Variants in EYS observed in about 807,000 individuals in gnomAD.
EYS encodes protein eyes shut homolog.
Under a neutral mutation model 282.1 loss-of-function variants are expected in EYS, and 250 were observed. That is an observed-to-expected ratio of 0.89 (90% CI 0.80 to 0.98). The LOEUF (loss-of-function observed/expected upper bound fraction) is 0.98. EYS is among the 50% of genes least tolerant of loss of function. EYS has a pLI of 0.00. For missense variants in EYS, 4,016 were observed against 3,709.0 expected (o/e 1.08, Z -2.15); for synonymous variants, 1,355 against 1,282.9 (o/e 1.06, Z -1.20).
chr6:63,742,354 G>C (rs527983185), intron 41 of EYS, among the ~76,000 whole-genome samples: 1 of 152,088 alleles, frequency 6.6e-6, no homozygotes, highest in Non-Finnish European at 1.5e-5. Context: ...AGCTACTTTG[G>C]ATGTGGGTCA....
chr6:64,090,277 T>C (rs891131587), intron 31 of EYS, among the ~76,000 whole-genome samples: 1 of 152,182 alleles, frequency 6.6e-6, no homozygotes, highest in African/African-American at 2.4e-5. Flanking sequence ...CTTTAGCTAC[T>C]TTCTAATTTC....
rs550502156 is a variant in EYS, at chr6:64,163,724, T to A, written c.6424+66868A>T. On this transcript the variant is annotated intron_variant, in intron 31 of 42. Coordinates refer to ENST00000503581, the MANE Select transcript of EYS (RefSeq NM_001142800.2). Reference sequence around the variant, plus strand: ...TTTCTGTAAGGCAAAAGGATTTTTTTAAAAAAATTTAATCTGGCACTTTAG... The same window carrying A: ...TTTCTGTAAGGCAAAAGGATTTTTTAAAAAAAATTTAATCTGGCACTTTAG... Among the ~76,000 whole-genome samples, 167 of 152,216 alleles carry A rather than the reference T, an allele frequency of 1.1e-3. 1 individual carries two copies. Among genetic ancestry groups the A allele is most frequent in the African/African-American group, 3.0e-3 (125 of 41,568 alleles).
intron 12 of EYS, among the ~76,000 whole-genome samples, chr6:65,163,601 C>T (rs945464065): frequency 6.6e-6 from 1 of 151,052 alleles, no homozygotes; most frequent in Non-Finnish European, 1.5e-5. Context: ...AGAAGGATTG[C>T]CAATATAGTT....
intron 22 of EYS, among the ~76,000 whole-genome samples, chr6:64,785,857 C>A (rs1774000405): frequency 6.6e-6 from 1 of 152,130 alleles, no homozygotes; most frequent in Non-Finnish European, 1.5e-5. Flanking sequence ...GGAAAACTGT[C>A]AAGAATAGCA....
chr6:65,112,296 A>G (rs1318945241), intron 12 of EYS, among the ~76,000 whole-genome samples: 1 of 152,178 alleles, frequency 6.6e-6, no homozygotes, highest in Non-Finnish European at 1.5e-5. Flanking sequence ...GAAGAAAAAT[A>G]TCACCTGATT....
chr6:64,176,170 T>C (rs1217751026), intron 31 of EYS, among the ~76,000 whole-genome samples: 1 of 151,958 alleles, frequency 6.6e-6, no homozygotes, highest in East Asian at 1.9e-4. Context: ...ATGGGAGGAA[T>C]GGAATCAGAA....
intron 12 of EYS, among the ~76,000 whole-genome samples, chr6:65,061,095 CTTCAAT>C (rs1355717583): frequency 6.6e-6 from 1 of 151,860 alleles, no homozygotes; most frequent in Non-Finnish European, 1.5e-5. Flanking sequence ...GCGACTGACT[CTTCAAT>C]TTCAGAGTGT....
chr6:64,487,423 A>G (rs1776608511), intron 26 of EYS, among the ~76,000 whole-genome samples: 1 of 151,094 alleles, frequency 6.6e-6, no homozygotes, highest in Admixed American at 6.6e-5. Flanking sequence ...AACTAAAACC[A>G]TATCTAATCT....
At chr6:65,118,970 T>A (rs574662192) in intron 12 of EYS, among the ~76,000 whole-genome samples, 4 of 151,894 alleles carry the variant, frequency 2.6e-5, no homozygotes, top group South Asian at 2.1e-4. Flanking sequence ...ATATAAAATG[T>A]TTAAATTAAA....
chr6:65,490,737 A>T lies in EYS; in HGVS notation c.749-30T>A, dbSNP rs374211793. 2.6e-6 allele frequency: 3 copies of T among 1,154,054 alleles called. No homozygotes were observed. In the Middle Eastern group the frequency reaches 5.8e-4, roughly 224 times the overall value. 71.5% of individuals were successfully genotyped at this position (1,154,054 alleles called of 1,614,324 possible). ...AACAATGAAAAAAAGTTTTTTTTAC[A>T]TTGGATATCAATATTATAACCATCA... On this transcript the variant is annotated intron_variant, in intron 4 of 42. Coordinates refer to ENST00000503581, the MANE Select transcript of EYS (RefSeq NM_001142800.2).
chr6:65,148,368 T>C (rs888025867), intron 12 of EYS, among the ~76,000 whole-genome samples: 20 of 152,072 alleles, frequency 1.3e-4, no homozygotes, highest in African/African-American at 4.6e-4. Context: ...CCCCATGCAA[T>C]TCTGAAATCC....
At chr6:64,629,810 A>G (rs1767723082) in intron 22 of EYS, among the ~76,000 whole-genome samples, 1 of 152,180 alleles carries the variant, frequency 6.6e-6, no homozygotes, top group Admixed American at 6.5e-5. Flanking sequence ...AGAGAAAATT[A>G]TCTTCTACAA....
At chr6:65,148,816 C>T (rs140726185) in intron 12 of EYS, among the ~76,000 whole-genome samples, 249 of 152,212 alleles carry the variant, frequency 1.6e-3, no homozygotes, top group African/African-American at 5.7e-3. Flanking sequence ...TCCCAAACCT[C>T]GCTTGACTTC....
intron 19 of EYS, among the ~76,000 whole-genome samples, chr6:64,839,618 T>C (rs2146759): frequency 0.71 from 107,857 of 151,910 alleles, 38,685 homozygotes; most frequent in Admixed American, 0.76. Context: ...ATTGCTATAA[T>C]TATATACTTG....
chr6:64,531,660 T>A (rs1186493821), intron 26 of EYS, among the ~76,000 whole-genome samples: 1 of 151,052 alleles, frequency 6.6e-6, no homozygotes, highest in Non-Finnish European at 1.5e-5. Flanking sequence ...CTTGATCTCC[T>A]GATCTCGTGA....
intron 8 of EYS, among the ~76,000 whole-genome samples, chr6:65,371,800 G>A (rs9445531): frequency 0.41 from 61,102 of 148,180 alleles, 13,684 homozygotes; most frequent in South Asian, 0.5. Context: ...TGGGGACAAG[G>A]AGAGAGGGAC....
At chr6:63,926,264 A>G (rs1360347333) in intron 35 of EYS, among the ~76,000 whole-genome samples, 3 of 152,232 alleles carry the variant, frequency 2.0e-5, no homozygotes, top group Non-Finnish European at 4.4e-5. Flanking sequence ...ACATTACAGA[A>G]TGATAGAATC....
At chr6:64,316,544 C>T (rs942432943) in intron 29 of EYS, among the ~76,000 whole-genome samples, 5 of 152,046 alleles carry the variant, frequency 3.3e-5, no homozygotes, top group African/African-American at 4.8e-5. Context: ...CTACCAAACA[C>T]GGCTCAAGGA....
At chr6:63,901,168 G>T (rs944983510) in intron 35 of EYS, among the ~76,000 whole-genome samples, 2 of 152,126 alleles carry the variant, frequency 1.3e-5, no homozygotes, top group Non-Finnish European at 2.9e-5. Context: ...TAAAACCCCA[G>T]TGAAGAGTTA....
Sources: allele counts gnomAD v4.1 joint callset (sites outside exome capture counted in the v4.1 genomes callset), GRCh38; gene constraint gnomAD v4.1.1; transcripts MANE v1.5; gene names NCBI Gene and HGNC (gene_info 2026-07-23, HGNC 2026-07-21).